PAAF1: variants seen among roughly 807,000 people sequenced by gnomAD.
PAAF1 encodes proteasomal ATPase associated factor 1, also known as proteasomal ATPase-associated factor 1.
PAAF1 carries 46 observed loss-of-function variants against 52.8 expected under a neutral mutation model. The observed-to-expected ratio is 0.87, with a 90% CI of 0.69 to 1.11. The LOEUF (loss-of-function observed/expected upper bound fraction) is 1.11. Ranked by LOEUF, PAAF1 falls within the 50% of genes most tolerant of loss-of-function variation. The probability of loss-of-function intolerance (pLI) is 0.00; values close to 1 mark genes in which losing one functional copy is unlikely to be tolerated. For synonymous variants in PAAF1, 178 were observed against 172.8 expected (o/e 1.03, Z -0.24); for missense variants, 424 against 477.4 (o/e 0.89, Z 1.04).
chr11:73,926,562 A>C (rs1950365372), intron 11 of PAAF1, among the ~76,000 whole-genome samples: 1 of 152,108 alleles, frequency 6.6e-6, no homozygotes, highest in African/African-American at 2.4e-5. Flanking sequence ...ACAAAAAATT[A>C]GCCAGGCGTG....
In PAAF1 at chr11:73,916,596, G is replaced by A; in HGVS notation, c.871G>A (p.Gly291Ser). Residue 291 changes from glycine (G) to serine (S), a missense_variant, in exon 9 of 12, where the codon GGC becomes AGC. Physicochemically the swap from Gly to Ser is moderately conservative, Grantham distance 56 (BLOSUM62 0). Transcript: ENST00000310571. ...TTTCAACTGCTGTACTTTTCTCTCT[G>A]GCTTCTTGCTATTGGCTGGGACTCA... ...DAFNCCTFLS[G>S]FLLLAGTQDG... 6.2e-7 allele frequency: 1 copy of A among 1,613,708 alleles called. No individual in the cohort carries two copies. The highest frequency in any genetic ancestry group is 8.5e-7 in the Non-Finnish European group (1 of 1,179,852).
rs747167389 is a variant in PAAF1 at position 73,921,743 on chromosome 11, C to T, written c.1018+2711C>T. 5.2e-6 allele frequency: 6 copies of T among 1,158,518 alleles called. No individual in the cohort carries two copies. In the Admixed American group the frequency reaches 5.2e-5, roughly 10 times the overall value. The allele number at this position is 1,158,518 out of a possible 1,614,324, so 71.8% of individuals were successfully genotyped here. On this transcript the variant is annotated intron_variant, in intron 10 of 11. Coordinates refer to ENST00000310571, the MANE Select transcript of PAAF1 (RefSeq NM_025155.3). ...TTGCAGCGTTTATCATTCTGAGGGT[C>T]GAAAACTTTCTCACAAAGTCTCAGC...
chr11:73,880,786 G>A (rs1172007913), intron 2 of PAAF1: 1 of 150,412 alleles, frequency 6.6e-6, no homozygotes, highest in Non-Finnish European at 1.5e-5. Context: ...ATCACCTGAG[G>A]TCAAGAGTTT....
At position 73,909,855 on chromosome 11, in the gene PAAF1, C is replaced by T. The variant is rs563733398; in HGVS notation, c.727+262C>T. Among the ~76,000 whole-genome samples, 42 of 152,252 alleles carry T rather than the reference C, an allele frequency of 2.8e-4. 2 individuals carry two copies. In the South Asian group the frequency reaches 7.3e-3, roughly 26 times the overall value. On this transcript the variant is annotated intron_variant, in intron 7 of 11. Transcript: ENST00000310571. ...TAAATGCCTATAAAGCAGGGGTGTC[C>T]GATCTTTTGGCTTCCCTGGGCCACA...
At chr11:73,877,240 C>T (rs895864545) in intron 1 of PAAF1, 172 bp downstream of exon 1, 3 of 605,308 alleles carry the variant, frequency 5.0e-6, no homozygotes, top group East Asian at 3.5e-5. Flanking sequence ...TGGTCATTCT[C>T]TGAAAAGCTA....
chr11:73,900,494 G>A, intron 6 of PAAF1, 74 bp downstream of exon 6: 1 of 1,465,832 alleles, frequency 6.8e-7, no homozygotes, highest in Admixed American at 2.2e-5. Flanking sequence ...GTAGAAACAA[G>A]CTAGTTTATT....
chr11:73,915,546 T>C (rs999930756), intron 8 of PAAF1, among the ~76,000 whole-genome samples: 2 of 152,180 alleles, frequency 1.3e-5, no homozygotes, highest in African/African-American at 2.4e-5. Flanking sequence ...AGGTCGAGGC[T>C]GCAGTGAGCC....
chr11:73,884,606 C>T (rs576905686), intron 2 of PAAF1, among the ~76,000 whole-genome samples: 1 of 152,286 alleles, frequency 6.6e-6, no homozygotes, highest in South Asian at 2.1e-4. Context: ...TTGGTAAACA[C>T]AATAGGGAAT....
rs1482387190 is a variant in PAAF1 at position 73,919,016 on chromosome 11, A to T, written c.1002A>T (p.Gly334=). 3 of 1,613,762 alleles carry T rather than the reference A, an allele frequency of 1.9e-6. No homozygotes were observed. Among genetic ancestry groups the T allele is most frequent in the Non-Finnish European group, 2.5e-6 (3 of 1,179,908 alleles). The part of the protein sequence containing the change: ...PVLSLLSVRD[G]FIASQGDGSC... ...TATCCCTGCTAAGTGTCAGAGATGG[A>T]TTCATTGCTAGCCAAGGTGGGTCCA... The change falls in exon 10 of 12, where the codon GGA becomes GGT. Residue 334 remains glycine (G), a synonymous_variant. Transcript: ENST00000310571.
intron 10 of PAAF1, 117 bp from the exon 11 acceptor site, chr11:73,924,498 G>A (rs1461423438): frequency 1.3e-6 from 1 of 799,212 alleles, no homozygotes; most frequent in Non-Finnish European, 2.0e-6. Flanking sequence ...TGCCATTCTG[G>A]GTCTTTGGAC....
chr11:73,897,926 A>G (rs1204874979), intron 4 of PAAF1, among the ~76,000 whole-genome samples: 4 of 152,148 alleles, frequency 2.6e-5, no homozygotes, highest in African/African-American at 7.2e-5. Flanking sequence ...TCCGTCTGCA[A>G]TCCCGGCACC....
intron 4 of PAAF1, among the ~76,000 whole-genome samples, chr11:73,897,334 C>T (rs1005348386): frequency 1.3e-4 from 19 of 151,952 alleles, no homozygotes; most frequent in Admixed American, 1.0e-3. Context: ...CGGAGACGCT[C>T]CTCACTTCCC....
At chr11:73,916,486 T>C in intron 8 of PAAF1, 59 bp from the exon 9 acceptor site, 1 of 1,174,152 alleles carries the variant, frequency 8.5e-7, no homozygotes, top group Non-Finnish European at 1.2e-6. Flanking sequence ...TTGGTGCCTG[T>C]TTATTCTTGG....
chr11:73,878,675 C>A, intron 1 of PAAF1, 104 bp from the exon 2 acceptor site: 1 of 961,908 alleles, frequency 1.0e-6, no homozygotes, highest in Non-Finnish European at 1.6e-6. Context: ...TGTCTAAGTA[C>A]TATGACCAAG....
chr11:73,921,197 G>A (rs779321779), intron 10 of PAAF1, among the ~76,000 whole-genome samples: 4 of 151,940 alleles, frequency 2.6e-5, no homozygotes, highest in Non-Finnish European at 5.9e-5. Flanking sequence ...CTACTTGGGA[G>A]GCTGAGGCAG....
chr11:73,890,884 G>A (rs1217855644), intron 3 of PAAF1, among the ~76,000 whole-genome samples: 1 of 152,108 alleles, frequency 6.6e-6, no homozygotes, highest in African/African-American at 2.4e-5. Context: ...AACACAAAAA[G>A]ATAATGGCAT....
At chr11:73,890,499 C>A (rs546156998) in intron 3 of PAAF1, among the ~76,000 whole-genome samples, 1 of 152,300 alleles carries the variant, frequency 6.6e-6, no homozygotes, top group African/African-American at 2.4e-5. Context: ...AGTCTATGAA[C>A]ATGTACAGTC....
chr11:73,899,761 A>G (rs1301209742), intron 5 of PAAF1, among the ~76,000 whole-genome samples: 1 of 152,156 alleles, frequency 6.6e-6, no homozygotes, highest in Non-Finnish European at 1.5e-5. Flanking sequence ...ATTTGGCAGA[A>G]CAGAGTGGGG....
At chr11:73,917,485 T>A (rs1950099144) in intron 9 of PAAF1, among the ~76,000 whole-genome samples, 1 of 152,234 alleles carries the variant, frequency 6.6e-6, no homozygotes, top group Non-Finnish European at 1.5e-5. Context: ...CCTTCCTCCT[T>A]TGATTTCCTT....
Sources: gnomAD v4.1 joint callset for allele counts (sites outside exome capture counted in the v4.1 genomes callset) on GRCh38, gnomAD v4.1.1 for gene constraint, MANE v1.5 for transcripts, NCBI Gene and HGNC (gene_info 2026-07-23, HGNC 2026-07-21) for gene names.